The following ANKS1B variants were observed in gnomAD, a reference collection of about 807,000 sequenced individuals.
ANKS1B encodes ankyrin repeat and sterile alpha motif domain-containing protein 1B.
Under a neutral mutation model 148.3 loss-of-function variants are expected in ANKS1B, and 36 were observed. The ratio of observed to expected loss-of-function variants is 0.24; its 90% confidence interval spans 0.19 to 0.32. The LOEUF (loss-of-function observed/expected upper bound fraction) is 0.32. Among genes scored for constraint, ANKS1B ranks in the 10% least tolerant of loss-of-function variants. ANKS1B has a pLI of 1.00. For synonymous variants in ANKS1B, 542 were observed against 560.8 expected (o/e 0.97, Z 0.47); for missense variants, 1,157 against 1,542.6 (o/e 0.75, Z 4.19).
At chr12:99,866,225 A>T (rs1005727250) in intron 1 of ANKS1B, among the ~76,000 whole-genome samples, 1 of 152,220 alleles carries the variant, frequency 6.6e-6, no homozygotes, top group African/African-American at 2.4e-5. Flanking sequence ...ATAAGGAATT[A>T]AAGCCATTTT....
At chr12:99,879,725 G>C (rs969294523) in intron 1 of ANKS1B, among the ~76,000 whole-genome samples, 3 of 152,166 alleles carry the variant, frequency 2.0e-5, no homozygotes, top group African/African-American at 7.2e-5. Context: ...TTTTCCTAAA[G>C]ATGGAAAGTA....
intron 24 of ANKS1B, among the ~76,000 whole-genome samples, chr12:98,775,456 CTCTCT>C (rs1372884096): frequency 6.6e-6 from 1 of 151,826 alleles, no homozygotes; most frequent in African/African-American, 2.4e-5. Flanking sequence ...TTCTCTCTCT[CTCTCT>C]TTTTTTTGAG....
intron 17 of ANKS1B, among the ~76,000 whole-genome samples, chr12:98,888,795 C>T (rs2099745934): frequency 6.6e-6 from 1 of 152,246 alleles, no homozygotes; most frequent in African/African-American, 2.4e-5. Flanking sequence ...CAGTGCTTCA[C>T]CCTGCTGGAT....
In ANKS1B at chr12:99,217,792, T is replaced by C. The variant is rs149227990; in HGVS notation, c.2419+26550A>G. Among the ~76,000 whole-genome samples, 776 of 152,320 alleles carry C rather than the reference T, an allele frequency of 5.1e-3. 9 individuals carry two copies. Among genetic ancestry groups the C allele is most frequent in the African/African-American group, 0.018 (759 of 41,562 alleles). On this transcript the variant is annotated intron_variant, in intron 14 of 26. Coordinates refer to ENST00000683438, the MANE Select transcript of ANKS1B (RefSeq NM_001352186.2). Reference sequence around the variant, plus strand: ...GTGACTACTGTGTAAGTGTCCCATTTTAGGGATTACCTCCAATCCTTATAA... The same window carrying C: ...GTGACTACTGTGTAAGTGTCCCATTCTAGGGATTACCTCCAATCCTTATAA...
chr12:99,254,073 T>C (rs1176346490), intron 12 of ANKS1B, among the ~76,000 whole-genome samples: 1 of 152,202 alleles, frequency 6.6e-6, no homozygotes, highest in Non-Finnish European at 1.5e-5. Context: ...AAGGAGACAT[T>C]ACAACTAAAT....
chr12:98,778,168 C>A (rs1046921327), intron 24 of ANKS1B, among the ~76,000 whole-genome samples: 8 of 152,096 alleles, frequency 5.3e-5, no homozygotes, highest in African/African-American at 1.9e-4. Flanking sequence ...GAATAAAGTA[C>A]GATGAAAACA....
intron 1 of ANKS1B, among the ~76,000 whole-genome samples, chr12:99,976,657 T>C (rs746677956): frequency 2.6e-5 from 4 of 152,160 alleles, no homozygotes; most frequent in East Asian, 3.9e-4. Flanking sequence ...CATAACACAA[T>C]AGAATCCAAA....
intron 1 of ANKS1B, among the ~76,000 whole-genome samples, chr12:99,945,082 G>A (rs1244971811): frequency 6.6e-6 from 1 of 152,156 alleles, no homozygotes; most frequent in Non-Finnish European, 1.5e-5. Context: ...TACCCTAAGA[G>A]GGTTTACATT....
chr12:98,870,952 T>C (rs73139165), intron 17 of ANKS1B, among the ~76,000 whole-genome samples: 5,837 of 152,346 alleles, frequency 0.038, 173 homozygotes, highest in Middle Eastern at 0.099. Context: ...TTATTCAGAC[T>C]GGGAGTAGGG....
intron 17 of ANKS1B, among the ~76,000 whole-genome samples, chr12:98,900,004 C>T (rs1441079905): frequency 1.3e-5 from 2 of 152,118 alleles, no homozygotes; most frequent in Non-Finnish European, 2.9e-5. Flanking sequence ...GGAAAAGTGC[C>T]AATGGGTTGA....
chr12:99,959,839 G>A lies in ANKS1B; in HGVS notation c.134+24265C>T, dbSNP rs1172014524. ...CCTCACCCAGAGAATCTAGTGAAGAGCTTATTATAAAGGACTAAAAGTCAA... is the reference window on the plus strand; with the variant it reads ...CCTCACCCAGAGAATCTAGTGAAGAACTTATTATAAAGGACTAAAAGTCAA... On this transcript the variant is annotated intron_variant, in intron 1 of 26. Transcript: ENST00000683438. Among the ~76,000 whole-genome samples, 4 of 152,246 alleles carry A rather than the reference G, an allele frequency of 2.6e-5. No homozygotes were observed. The East Asian group carries it at 7.7e-4, about 29-fold the overall frequency.
At chr12:98,753,673 C>G (rs1450239073) in intron 25 of ANKS1B, among the ~76,000 whole-genome samples, 2 of 152,172 alleles carry the variant, frequency 1.3e-5, no homozygotes, top group African/African-American at 4.8e-5. Flanking sequence ...GGGATCCACC[C>G]ACCTCGGCCT....
intron 14 of ANKS1B, among the ~76,000 whole-genome samples, chr12:99,188,295 A>T (rs2080165054): frequency 1.3e-5 from 2 of 152,212 alleles, no homozygotes; most frequent in African/African-American, 4.8e-5. Context: ...ATGAGACGGA[A>T]AATTAACAAG....
At chr12:99,792,410 A>G (rs1460288937) in intron 4 of ANKS1B, among the ~76,000 whole-genome samples, 1 of 151,890 alleles carries the variant, frequency 6.6e-6, no homozygotes, top group African/African-American at 2.4e-5. Flanking sequence ...TATTAATCTG[A>G]TACTATACCC....
At chr12:99,980,212 C>T (rs897585976) in intron 1 of ANKS1B, among the ~76,000 whole-genome samples, 7 of 151,588 alleles carry the variant, frequency 4.6e-5, no homozygotes, top group African/African-American at 1.7e-4. Context: ...TGAGCCAACA[C>T]CATTACATGG....
At chr12:99,982,495 GTTTAT>G (rs1566137588) in intron 1 of ANKS1B, among the ~76,000 whole-genome samples, 1 of 152,078 alleles carries the variant, frequency 6.6e-6, no homozygotes, top group Admixed American at 6.5e-5. Context: ...CGAAGAAATT[GTTTAT>G]TTTGAGAAAA....
intron 9 of ANKS1B, among the ~76,000 whole-genome samples, chr12:99,555,643 A>T (rs1038859755): frequency 6.6e-5 from 10 of 152,184 alleles, no homozygotes; most frequent in African/African-American, 2.4e-4. Context: ...GGTTTTTAAC[A>T]TGAAAGGAGG....
intron 17 of ANKS1B, among the ~76,000 whole-genome samples, chr12:98,942,653 C>T (rs1304209331): frequency 6.6e-6 from 1 of 152,234 alleles, no homozygotes. Context: ...CTGAATGTAG[C>T]TTGCTCACTA....
At chr12:98,944,686 A>C (rs2099842425) in intron 17 of ANKS1B, among the ~76,000 whole-genome samples, 1 of 152,212 alleles carries the variant, frequency 6.6e-6, no homozygotes, top group Admixed American at 6.5e-5. Flanking sequence ...AAAAAGAAAA[A>C]TATCCTAAGA....
Sources: gnomAD v4.1 joint callset for allele counts (sites outside exome capture counted in the v4.1 genomes callset) on GRCh38, gnomAD v4.1.1 for gene constraint, MANE v1.5 for transcripts, NCBI Gene and HGNC (gene_info 2026-07-23, HGNC 2026-07-21) for gene names.